Variants in SFRP4 observed in about 807,000 individuals in gnomAD.
SFRP4 encodes secreted frizzled related protein 4, also known as secreted frizzled-related protein 4.
A neutral mutation model predicts 36.3 loss-of-function variants in SFRP4; 25 were observed. The observed-to-expected ratio is 0.69, with a 90% confidence interval of 0.50 to 0.96. The LOEUF is 0.96. Ranked by LOEUF, SFRP4 falls within the 40% of genes least tolerant of loss-of-function variation. The pLI is 0.00. For synonymous variants in SFRP4, 182 were observed against 168.8 expected (o/e 1.08, Z -0.60); for missense variants, 487 against 459.6 (o/e 1.06, Z -0.54).
intron 4 of SFRP4, among the ~76,000 whole-genome samples, chr7:37,910,697 A>G (rs1465725881): frequency 6.6e-6 from 1 of 152,162 alleles, no homozygotes; most frequent in African/African-American, 2.4e-5. Context: ...TAAAGTGAAA[A>G]GAATGTATTT....
chr7:37,915,883 T>TA (rs1668899486), intron 1 of SFRP4, among the ~76,000 whole-genome samples: 2 of 146,854 alleles, frequency 1.4e-5, no homozygotes. Context: ...TTTTTTTTTT[T>TA]CTTTATGGGG....
intron 3 of SFRP4, among the ~76,000 whole-genome samples, chr7:37,913,129 G>T (rs1377873589): frequency 2.6e-5 from 4 of 152,160 alleles, no homozygotes; most frequent in African/African-American, 9.7e-5. Context: ...GCAGAGGAGG[G>T]ACTAAGTAAA....
rs775083988 is a variant in SFRP4 at position 37,916,097 on chromosome 7, C to T, written c.441G>A (p.Pro147=). ...CCATCCTTCCTACGGCCTCACCCTC[C>T]GGGAGGTCCGTGACGATGGCTTCAG... ...ISPEAIVTDL[P]EDVKWIDITP... Residue 147 remains proline (P), a synonymous_variant, in exon 1 of 6, where the codon CCG becomes CCA. Transcript: ENST00000436072. This position sits in a 1 kb window ranked among gnomAD's most constrained non-coding sequence, Gnocchi z 4.1. The T allele has an allele frequency of 5.6e-6, 9 of 1,610,920 alleles. No homozygotes were observed. The highest frequency in any genetic ancestry group is 5.3e-5 in the African/African-American group (4 of 74,834).
In SFRP4 at chr7:37,914,384, C is replaced by G. The variant is rs372088978; in HGVS notation, c.515G>C (p.Arg172Pro). The G allele has an allele frequency of 6.2e-7, 1 of 1,613,402 alleles. No individual in the cohort carries two copies. The highest frequency in any genetic ancestry group is 2.2e-5 in the East Asian group (1 of 44,872). The change falls in exon 2 of 6, where the codon CGC becomes CCC. Residue 172 changes from arginine to proline, a missense_variant. Coordinates refer to ENST00000436072, the MANE Select transcript of SFRP4 (RefSeq NM_003014.4). ...QERPLDVDCK[R>P]LSPDRCKCKK... ...AAGAAAGAACTCACCGGGGCTTAGGCGTTTACAGTCAACATCAAGAGGCCT... is the reference window on the plus strand; with the variant it reads ...AAGAAAGAACTCACCGGGGCTTAGGGGTTTACAGTCAACATCAAGAGGCCT...
intron 3 of SFRP4, among the ~76,000 whole-genome samples, 165 bp from the exon 4 acceptor site, chr7:37,912,482 A>G (rs1399698471): frequency 1.3e-5 from 2 of 152,214 alleles, no homozygotes; most frequent in Non-Finnish European, 2.9e-5. Context: ...GTCATATGCT[A>G]AATGGATGGT....
rs780871022 is a variant in SFRP4, at chr7:37,916,514, C to A, written c.24G>T (p.Ala8=). Residue 8 remains alanine (A), a synonymous_variant, in exon 1 of 6, where the codon GCG becomes GCT. Transcript: ENST00000436072. This position sits in a 1 kb window ranked among gnomAD's most constrained non-coding sequence, Gnocchi z 4.1. The part of the protein sequence containing the change: MFLSILV[A]LCLWLHLALG... ...GCGCCAGGTGCAGCCACAGGCACAG[C>A]GCCACTAGGATGGAGAGGAACATGG... is the stretch of plus-strand genomic sequence containing the variant. The A allele has an allele frequency of 4.3e-6, 7 of 1,610,294 alleles. No individual in the cohort carries two copies. Among genetic ancestry groups the A allele is most frequent in the Admixed American group, 1.7e-5 (1 of 59,952 alleles).
chr7:37,912,577 C>G (rs183331932), intron 3 of SFRP4, among the ~76,000 whole-genome samples: 4 of 152,358 alleles, frequency 2.6e-5, no homozygotes, highest in Admixed American at 1.3e-4. Flanking sequence ...TTTAGTCTTT[C>G]TCTGCCTTTA....
rs1339490387 is a variant in SFRP4, at chr7:37,909,684, A to G, written c.792-4T>C. The G allele has an allele frequency of 1.7e-5, 26 of 1,533,344 alleles. No individual in the cohort carries two copies. The highest frequency in any genetic ancestry group is 2.2e-5 in the Non-Finnish European group (25 of 1,123,724). The allele number at this position is 1,533,344 out of a possible 1,614,324, so 95.0% of individuals were successfully genotyped here. A position where few individuals can be genotyped will look rare whatever the true frequency, so the allele number is the denominator to read the frequency against. On this transcript the variant is annotated splice_region_variant and splice_polypyrimidine_tract_variant and intron_variant, in intron 4 of 5. Coordinates refer to ENST00000436072, the MANE Select transcript of SFRP4 (RefSeq NM_003014.4). ...GCAATTTTCAAGAAGCATCATCCTGAAAAAAAATTATCTTAGTAAACAGAT... is the reference window on the plus strand; with the variant it reads ...GCAATTTTCAAGAAGCATCATCCTGGAAAAAAATTATCTTAGTAAACAGAT...
rs1354639473 is a variant in SFRP4, at chr7:37,907,436, C to T, written c.*43G>A. 1 of 1,565,656 alleles carries T rather than the reference C, an allele frequency of 6.4e-7. No individual in the cohort carries two copies. On this transcript the variant is annotated 3_prime_UTR_variant, in exon 6 of 6. Transcript: ENST00000436072. ...TGTCCCAGGCAATGCCCAGCCTCAT[C>T]CTGTAAGGAAGTCGGAAGTCTCCGC...
intron 1 of SFRP4, among the ~76,000 whole-genome samples, chr7:37,915,155 A>G (rs936473669): frequency 6.6e-6 from 1 of 152,230 alleles, no homozygotes; most frequent in South Asian, 2.1e-4. Context: ...TCCCTACCTC[A>G]TATCTTGCAG....
In SFRP4 at chr7:37,916,340, G is replaced by A. The variant is rs373224073; in HGVS notation, c.198C>T (p.Asp66=). ...LAIEQYEELV[D]VNCSAVLRFF... ...AGCGCAGCACGGCGCTGCAGTTCAC[G>A]TCCACCAGCTCCTCGTACTGCTCGA... The change falls in exon 1 of 6, where the codon GAC becomes GAT. Residue 66 remains aspartate, a synonymous_variant. Transcript: ENST00000436072. This position sits in a 1 kb window ranked among gnomAD's most constrained non-coding sequence, Gnocchi z 4.1. 1.6e-5 allele frequency: 26 copies of A among 1,614,100 alleles called. No homozygotes were observed. The highest frequency in any genetic ancestry group is 1.6e-4 in the Middle Eastern group (1 of 6,084).
intron 1 of SFRP4, among the ~76,000 whole-genome samples, chr7:37,915,398 G>A (rs900150123): frequency 2.6e-5 from 4 of 152,196 alleles, no homozygotes; most frequent in Non-Finnish European, 4.4e-5. Context: ...GGTAACCTGG[G>A]CCAGATAAAG....
At chr7:37,910,177 T>C (rs963994882) in intron 4 of SFRP4, among the ~76,000 whole-genome samples, 1 of 152,020 alleles carries the variant, frequency 6.6e-6, no homozygotes, top group African/African-American at 2.4e-5. Flanking sequence ...TTTCAATGCA[T>C]AGTGCCAAGT....
chr7:37,907,283 C>G lies in SFRP4; in HGVS notation c.*196G>C. On this transcript the variant is annotated 3_prime_UTR_variant, in exon 6 of 6. Transcript: ENST00000436072. ...CCTTCTGTACCAAAGGGCAAACCTACCACTATGGCTTGTGATGGCTTACAA... is the reference window on the plus strand; with the variant it reads ...CCTTCTGTACCAAAGGGCAAACCTAGCACTATGGCTTGTGATGGCTTACAA... 1 of 513,480 alleles carries G rather than the reference C, an allele frequency of 1.9e-6. No individual in the cohort carries two copies. Among genetic ancestry groups the G allele is most frequent in the South Asian group, 3.4e-5 (1 of 29,346 alleles). The allele number at this position is 513,480 out of a possible 1,614,324, so 31.8% of individuals were successfully genotyped here.
At position 37,914,384 on chromosome 7, in the gene SFRP4, C is replaced by T. The variant is rs372088978; in HGVS notation, c.515G>A (p.Arg172His). Reference sequence around the variant, plus strand: ...AAGAAAGAACTCACCGGGGCTTAGGCGTTTACAGTCAACATCAAGAGGCCT... The same window carrying T: ...AAGAAAGAACTCACCGGGGCTTAGGTGTTTACAGTCAACATCAAGAGGCCT... ...QERPLDVDCK[R>H]LSPDRCKCKK... Residue 172 changes from arginine to histidine, a missense_variant, in exon 2 of 6, where the codon CGC (arginine) becomes CAC (histidine). Transcript: ENST00000436072. 21 of 1,613,284 alleles carry T rather than the reference C, an allele frequency of 1.3e-5. No individual in the cohort carries two copies. In the African/African-American group the frequency reaches 1.9e-4, roughly 14 times the overall value.
Position 37,914,444 on chromosome 7 carries a change from C to T in SFRP4, c.455G>A (p.Trp152Ter). The change falls in exon 2 of 6, where the codon TGG becomes TAG. Residue 152 changes from tryptophan to a stop codon, truncating the protein, a stop_gained. Coordinates refer to ENST00000436072, the MANE Select transcript of SFRP4 (RefSeq NM_003014.4). LOFTEE classifies it high-confidence loss of function. ...CATCATGTCTGGTGTGATGTCTATCCACTTAACATCTGAAACACAAACAGG... is the reference window on the plus strand; with the variant it reads ...CATCATGTCTGGTGTGATGTCTATCTACTTAACATCTGAAACACAAACAGG... ...IVTDLPEDVK[W>*]IDITPDMMVQ... 6.2e-7 allele frequency: 1 copy of T among 1,613,486 alleles called. No homozygotes were observed. Among genetic ancestry groups the T allele is most frequent in the South Asian group, 1.1e-5 (1 of 91,058 alleles).
intron 3 of SFRP4, among the ~76,000 whole-genome samples, chr7:37,912,969 T>C (rs1383633748): frequency 6.6e-6 from 1 of 152,236 alleles, no homozygotes; most frequent in Non-Finnish European, 1.5e-5. Context: ...TATGGCTCTG[T>C]CTTGGATTCC....
In SFRP4 at chr7:37,916,554, G is replaced by T. The variant is rs1266919310; in HGVS notation, c.-17C>A. 2 of 1,593,884 alleles carry T rather than the reference G, an allele frequency of 1.3e-6. No homozygotes were observed. Among genetic ancestry groups the T allele is most frequent in the Non-Finnish European group, 1.7e-6 (2 of 1,171,890 alleles). On this transcript the variant is annotated 5_prime_UTR_variant, in exon 1 of 6. Transcript: ENST00000436072. This position sits in a 1 kb window ranked among gnomAD's most constrained non-coding sequence, Gnocchi z 4.1. ...GAGGAACATGGCACTGCCCTCTCGCGCTGCGACCCCGGCAGACAGAAAGCG... is the reference window on the plus strand; with the variant it reads ...GAGGAACATGGCACTGCCCTCTCGCTCTGCGACCCCGGCAGACAGAAAGCG...
At chr7:37,908,045 A>G (rs1355975794) in intron 5 of SFRP4, among the ~76,000 whole-genome samples, 1 of 152,186 alleles carries the variant, frequency 6.6e-6, no homozygotes, top group South Asian at 2.1e-4. Context: ...TAGCCCCATA[A>G]TGCAACATTC....
Sources: gnomAD v4.1 joint callset for allele counts (sites outside exome capture counted in the v4.1 genomes callset) on GRCh38, gnomAD v4.1.1 for gene constraint, Gnocchi (gnomAD v3.1) non-coding constraint, MANE v1.5 for transcripts, NCBI Gene and HGNC (gene_info 2026-07-23, HGNC 2026-07-21) for gene names.